The following SORCS2 variants were observed in gnomAD, a reference collection of about 807,000 sequenced individuals.
SORCS2 encodes the protein VPS10 domain-containing receptor SorCS2.
Under a neutral mutation model 141.6 loss-of-function variants are expected in SORCS2, and 100 were observed. That is an observed-to-expected ratio of 0.71 (90% confidence interval 0.60 to 0.83). The LOEUF is 0.83. SORCS2 is among the 40% of genes least tolerant of loss of function. The probability of loss-of-function intolerance (pLI) is 0.00; values close to 1 mark genes in which losing one functional copy is unlikely to be tolerated. For missense variants in SORCS2, 1,646 were observed against 1,560.2 expected (o/e 1.05, Z -0.93); for synonymous variants, 789 against 676.9 (o/e 1.17, Z -2.57).
At chr4:7,205,673 G>A (rs574045850) in intron 1 of SORCS2, among the ~76,000 whole-genome samples, 6 of 152,228 alleles carry the variant, frequency 3.9e-5, no homozygotes, top group Non-Finnish European at 7.3e-5. Context: ...TGAAAACAAA[G>A]AGGCCATTGT....
At position 7,398,424 on chromosome 4, in the gene SORCS2, G is replaced by A. The variant is rs574470675; in HGVS notation, c.548+2069G>A. On this transcript the variant is annotated intron_variant, in intron 2 of 26. Coordinates refer to ENST00000507866, the MANE Select transcript of SORCS2 (RefSeq NM_020777.3). ...AAATGTGTGAAATGTCCCTAGAACA[G>A]TACGTGATCTAAATTCAGTTTTTCT... Among the ~76,000 whole-genome samples, 13 of 152,360 alleles carry A rather than the reference G, an allele frequency of 8.5e-5. No individual in the cohort carries two copies. The East Asian group carries it at 2.5e-3, about 29-fold the overall frequency.
chr4:7,544,976 A>G (rs1279192751), intron 3 of SORCS2, among the ~76,000 whole-genome samples: 1 of 152,210 alleles, frequency 6.6e-6, no homozygotes, highest in Non-Finnish European at 1.5e-5. Flanking sequence ...ATTTCCCTTG[A>G]TAGCCAGGCA....
chr4:7,386,187 G>A (rs983880589), intron 1 of SORCS2, among the ~76,000 whole-genome samples: 178 of 104,452 alleles, frequency 1.7e-3, no homozygotes, highest in East Asian at 0.011. Context: ...GCACACACAT[G>A]CACACACATA....
chr4:7,351,590 G>A (rs1379642250), intron 1 of SORCS2, among the ~76,000 whole-genome samples: 1 of 152,048 alleles, frequency 6.6e-6, no homozygotes, highest in Non-Finnish European at 1.5e-5. Flanking sequence ...TAGGGACACC[G>A]AAGAGGGGAC....
At chr4:7,291,129 G>T (rs1456263272) in intron 1 of SORCS2, among the ~76,000 whole-genome samples, 2 of 152,114 alleles carry the variant, frequency 1.3e-5, no homozygotes, top group Admixed American at 6.6e-5. Flanking sequence ...AGGGACCCTG[G>T]GTGTCTAAGG....
intron 1 of SORCS2, among the ~76,000 whole-genome samples, chr4:7,238,292 G>GC (rs202243738): frequency 1.3e-5 from 2 of 151,922 alleles, no homozygotes; most frequent in African/African-American, 2.4e-5. Context: ...AGGGAGTCTG[G>GC]GGGGGGTTGC....
At chr4:7,374,178 T>TCTTCCTTTCTTC (rs1722477588) in intron 1 of SORCS2, among the ~76,000 whole-genome samples, 4 of 132,570 alleles carry the variant, frequency 3.0e-5, no homozygotes, top group African/African-American at 1.2e-4. Flanking sequence ...TTTCTTTCTT[T>TCTTCCTTTCTTC]CTTTCTTTCT....
intron 3 of SORCS2, among the ~76,000 whole-genome samples, chr4:7,552,402 T>A (rs1335479447): frequency 6.6e-6 from 1 of 152,144 alleles, no homozygotes; most frequent in African/African-American, 2.4e-5. Context: ...TGGACCAGGA[T>A]GTGGAGGGCT....
chr4:7,335,532 C>T (rs761431370), intron 1 of SORCS2, among the ~76,000 whole-genome samples: 13 of 152,174 alleles, frequency 8.5e-5, no homozygotes, highest in East Asian at 3.9e-4. Flanking sequence ...TGCTCCGGCC[C>T]GAGGCCTCAT....
chr4:7,703,158 C>G, intron 12 of SORCS2, 122 bp from the exon 13 acceptor site: 1 of 742,138 alleles, frequency 1.3e-6, no homozygotes, highest in Non-Finnish European at 2.2e-6. Context: ...TCAGACCGGC[C>G]TTGGCCTCTG....
intron 1 of SORCS2, among the ~76,000 whole-genome samples, chr4:7,303,010 T>C (rs1717546385): frequency 6.6e-6 from 1 of 152,220 alleles, no homozygotes; most frequent in Non-Finnish European, 1.5e-5. Context: ...GGAGGGTCTC[T>C]GCGCCCCTGG....
intron 2 of SORCS2, among the ~76,000 whole-genome samples, chr4:7,404,399 C>G (rs995661305): frequency 3.3e-5 from 5 of 152,114 alleles, no homozygotes; most frequent in Admixed American, 2.6e-4. Flanking sequence ...AATGGTCATT[C>G]TATTTTTAGG....
At chr4:7,450,519 T>C (rs1728367980) in intron 2 of SORCS2, among the ~76,000 whole-genome samples, 1 of 152,156 alleles carries the variant, frequency 6.6e-6, no homozygotes, top group Admixed American at 6.5e-5. Flanking sequence ...CAGGTCAGGC[T>C]CCCAACCTTG....
At chr4:7,358,557 C>A (rs906137474) in intron 1 of SORCS2, among the ~76,000 whole-genome samples, 4 of 152,252 alleles carry the variant, frequency 2.6e-5, no homozygotes, top group Non-Finnish European at 5.9e-5. Context: ...GACTCACAGT[C>A]TAACTTTCAA....
At chr4:7,425,499 G>C (rs886999799) in intron 2 of SORCS2, among the ~76,000 whole-genome samples, 1 of 152,168 alleles carries the variant, frequency 6.6e-6, no homozygotes, top group South Asian at 2.1e-4. Context: ...TACTCCCACT[G>C]TCCTAAATAA....
At chr4:7,570,559 C>T (rs902933182) in intron 3 of SORCS2, among the ~76,000 whole-genome samples, 22 of 152,258 alleles carry the variant, frequency 1.4e-4, no homozygotes, top group African/African-American at 4.8e-4. Context: ...CCTCCCACAC[C>T]GCCCTGTAGA....
chr4:7,320,383 C>T (rs1321982932), intron 1 of SORCS2, among the ~76,000 whole-genome samples: 1 of 152,194 alleles, frequency 6.6e-6, no homozygotes, highest in Non-Finnish European at 1.5e-5. Context: ...TGGATCCCCA[C>T]AGAGGAGAAG....
intron 2 of SORCS2, among the ~76,000 whole-genome samples, chr4:7,455,320 T>G (rs1458368581): frequency 1.2e-4 from 6 of 50,846 alleles, no homozygotes; most frequent in Admixed American, 2.1e-4. Flanking sequence ...GGGGTCAGGC[T>G]CTGTGTTGGG....
intron 2 of SORCS2, among the ~76,000 whole-genome samples, chr4:7,459,525 G>A (rs991171605): frequency 6.6e-5 from 10 of 152,138 alleles, no homozygotes; most frequent in Admixed American, 1.3e-4. Flanking sequence ...CATGATGGCC[G>A]GGCCCCATGG....
Sources: allele counts gnomAD v4.1 joint callset (sites outside exome capture counted in the v4.1 genomes callset), GRCh38; gene constraint gnomAD v4.1.1; transcripts MANE v1.5; gene names NCBI Gene and HGNC (gene_info 2026-07-23, HGNC 2026-07-21).